Variants in SEMA6D observed in about 807,000 individuals in gnomAD.
The protein encoded by SEMA6D is semaphorin 6D.
In SEMA6D, 35 loss-of-function variants were observed where a neutral mutation model predicts 106.6. The observed-to-expected ratio is 0.33, with a 90% confidence interval of 0.25 to 0.44. The LOEUF (loss-of-function observed/expected upper bound fraction) is 0.44. SEMA6D is among the 20% of genes least tolerant of loss of function. The pLI, the probability that SEMA6D is intolerant of heterozygous loss-of-function variation, is 1.00. For missense variants in SEMA6D, 1,185 were observed against 1,345.9 expected, an observed-to-expected ratio of 0.88 and a Z score of 1.87; for synonymous variants, 499 against 487.7, an observed-to-expected ratio of 1.02 and a Z score of -0.31.
At chr15:47,551,735 T>C (rs1445031545) in intron 3 of SEMA6D, among the ~76,000 whole-genome samples, 1 of 132,830 alleles carries the variant, frequency 7.5e-6, no homozygotes, top group Admixed American at 7.8e-5. Context: ...GCTGTGGTAT[T>C]AACATCCATT....
chr15:47,503,571 TG>T (rs2043930393), intron 3 of SEMA6D, among the ~76,000 whole-genome samples: 1 of 152,172 alleles, frequency 6.6e-6, no homozygotes, highest in Non-Finnish European at 1.5e-5. Flanking sequence ...ACATTAGTAA[TG>T]TAGCTTTCAT....
At chr15:47,551,609 A>G (rs1001829358) in intron 3 of SEMA6D, among the ~76,000 whole-genome samples, 1 of 151,802 alleles carries the variant, frequency 6.6e-6, no homozygotes, top group Non-Finnish European at 1.5e-5. Context: ...CTTCCAATAC[A>G]CAGGGCAAAT....
intron 1 of SEMA6D, among the ~76,000 whole-genome samples, chr15:47,237,599 A>T (rs1230710806): frequency 6.6e-6 from 1 of 151,952 alleles, no homozygotes; most frequent in Non-Finnish European, 1.5e-5. Flanking sequence ...GTCCTCCTCT[A>T]TTAAATGGAT....
chr15:47,385,426 A>G (rs1320186345), intron 1 of SEMA6D, among the ~76,000 whole-genome samples: 2 of 152,182 alleles, frequency 1.3e-5, no homozygotes, highest in African/African-American at 2.4e-5. Context: ...TTTAATTTCC[A>G]TAACCAAATT....
rs1026483961 is a variant in SEMA6D, at chr15:47,263,437, A to G, written c.-239+79019A>G. Among the ~76,000 whole-genome samples, 3 of 152,126 alleles carry G rather than the reference A, an allele frequency of 2.0e-5. No homozygotes were observed. In the East Asian group the frequency reaches 5.8e-4, roughly 29 times the overall value. ...GAAGGTATACATGAGGCCAACAATC[A>G]TCTGGAAAAAAGGCTCATTACTGAT... On this transcript the variant is annotated intron_variant, in intron 1 of 19. Transcript: ENST00000558014.
chr15:47,322,507 T>C (rs1013582336), intron 1 of SEMA6D, among the ~76,000 whole-genome samples: 7 of 152,158 alleles, frequency 4.6e-5, no homozygotes, highest in Non-Finnish European at 7.3e-5. Context: ...TTATACACTT[T>C]TGGTGAGGGA....
At chr15:47,620,690 T>TAA (rs1262474580) in intron 4 of SEMA6D, among the ~76,000 whole-genome samples, 3 of 135,034 alleles carry the variant, frequency 2.2e-5, no homozygotes, top group Admixed American at 7.4e-5. Flanking sequence ...CACTTGCCTT[T>TAA]AAAATATATA....
chr15:47,455,489 C>T (rs529796393), intron 2 of SEMA6D, among the ~76,000 whole-genome samples: 21 of 151,900 alleles, frequency 1.4e-4, no homozygotes, highest in South Asian at 1.0e-3. Context: ...TAAGGAGTAA[C>T]GTAAGTGGGA....
intron 3 of SEMA6D, among the ~76,000 whole-genome samples, chr15:47,477,482 C>T (rs1305209169): frequency 2.0e-5 from 3 of 151,972 alleles, no homozygotes; most frequent in Non-Finnish European, 4.4e-5. Context: ...ACTTTTACAA[C>T]AAGAAAAAAA....
Position 47,467,983 on chromosome 15 carries a change from G to A in SEMA6D, c.-158-2491G>A, listed in dbSNP as rs540528956. On this transcript the variant is annotated intron_variant, in intron 2 of 19. Transcript: ENST00000558014. ...ATTATAATACCGACAGGATTGTTTTGAGACAGTTAATGTCACAGTGCTTGG... is the reference window on the plus strand; with the variant it reads ...ATTATAATACCGACAGGATTGTTTTAAGACAGTTAATGTCACAGTGCTTGG... 2.0e-5 allele frequency among the ~76,000 whole-genome samples: 3 copies of A among 151,874 alleles called. No homozygotes were observed. In the East Asian group the frequency reaches 5.8e-4, roughly 29 times the overall value.
chr15:47,464,403 G>A (rs778599147), intron 2 of SEMA6D, among the ~76,000 whole-genome samples: 6 of 152,012 alleles, frequency 3.9e-5, no homozygotes, highest in Non-Finnish European at 7.4e-5. Context: ...TTAAGAAAAG[G>A]CACCCATCCT....
intron 1 of SEMA6D, among the ~76,000 whole-genome samples, chr15:47,278,826 A>G (rs371866906): frequency 0.29 from 41,396 of 144,730 alleles, 6,118 homozygotes; most frequent in Middle Eastern, 0.43. Flanking sequence ...TCAGCTTTCT[A>G]CATATGGCTA....
rs1265035187 is a variant in SEMA6D, at chr15:47,370,674, G to A, written c.-238-41719G>A. ...AATCTGTCCAACATGGTAAAGCGCC[G>A]TCTCTACTTAAAAAAAAAAAAAAAA... On this transcript the variant is annotated intron_variant, in intron 1 of 19. Coordinates refer to the SEMA6D transcript ENST00000558014. Among the ~76,000 whole-genome samples the A allele has an allele frequency of 1.2e-4, 15 of 123,828 alleles. 1 individual carries two copies. Among genetic ancestry groups the A allele is most frequent in the Admixed American group, 8.5e-4 (9 of 10,600 alleles). 81.2% of individuals were successfully genotyped at this position (123,828 alleles called of 152,430 possible).
At chr15:47,263,218 G>A (rs1381585662) in intron 1 of SEMA6D, among the ~76,000 whole-genome samples, 1 of 152,132 alleles carries the variant, frequency 6.6e-6, no homozygotes, top group Admixed American at 6.6e-5. Context: ...AAACTAAACA[G>A]CCTCTGCACA....
chr15:47,621,964 G>A (rs553247454), intron 4 of SEMA6D, among the ~76,000 whole-genome samples: 2 of 152,262 alleles, frequency 1.3e-5, no homozygotes, highest in East Asian at 3.9e-4. Context: ...ATGAAAGCTA[G>A]TGGTTGCTGT....
chr15:47,647,433 G>T (rs981263912), intron 4 of SEMA6D, among the ~76,000 whole-genome samples: 1 of 152,136 alleles, frequency 6.6e-6, no homozygotes, highest in Non-Finnish European at 1.5e-5. Context: ...CAGATGAAAC[G>T]CATGATAAGT....
At chr15:47,281,259 A>G (rs1234961607) in intron 1 of SEMA6D, among the ~76,000 whole-genome samples, 1 of 133,556 alleles carries the variant, frequency 7.5e-6, no homozygotes, top group Non-Finnish European at 1.6e-5. Context: ...TTCTTGTTGA[A>G]TTGATCCCTT....
intron 3 of SEMA6D, among the ~76,000 whole-genome samples, chr15:47,559,227 T>C (rs183907998): frequency 8.5e-5 from 13 of 152,152 alleles, no homozygotes; most frequent in Admixed American, 5.2e-4. Flanking sequence ...CTTAAAGTGT[T>C]TCTCTTCAAG....
chr15:47,538,386 T>C (rs2142167481), intron 3 of SEMA6D, among the ~76,000 whole-genome samples: 1 of 152,288 alleles, frequency 6.6e-6, no homozygotes, highest in South Asian at 2.1e-4. Flanking sequence ...TGCCCTCCAC[T>C]TCAGTTCCCA....
Sources: gnomAD v4.1 joint callset for allele counts (sites outside exome capture counted in the v4.1 genomes callset) on GRCh38, gnomAD v4.1.1 for gene constraint, MANE v1.5 for transcripts, NCBI Gene and HGNC (gene_info 2026-07-23, HGNC 2026-07-21) for gene names.